The following SPMIP4 variants were observed in gnomAD, a reference collection of about 807,000 sequenced individuals.
The protein encoded by SPMIP4 is sperm-associated microtubule inner protein 4.
the SPMIP4 span, among the ~76,000 whole-genome samples, chr7:25,160,970 T>C: frequency 6.6e-6 from 1 of 151,152 alleles, no homozygotes; most frequent in African/African-American, 2.4e-5. Context: ...TCAGCTCCTG[T>C]TTTTTTTTCT....
chr7:25,146,040 G>C, the SPMIP4 span, among the ~76,000 whole-genome samples: 4 of 152,064 alleles, frequency 2.6e-5, no homozygotes, highest in African/African-American at 9.7e-5. Flanking sequence ...TTTAGCATTT[G>C]GGAATACTGG....
At chr7:25,153,055 G>C in the SPMIP4 span, among the ~76,000 whole-genome samples, 1 of 151,968 alleles carries the variant, frequency 6.6e-6, no homozygotes, top group Non-Finnish European at 1.5e-5. Context: ...ATGCTTCTTA[G>C]TTCTAATAAA....
chr7:25,165,686 C>T, the SPMIP4 span, among the ~76,000 whole-genome samples: 1 of 152,228 alleles, frequency 6.6e-6, no homozygotes, highest in African/African-American at 2.4e-5. Context: ...TCCAACTTTG[C>T]TGCACGTTGG....
chr7:25,128,263 C>T, the SPMIP4 span, among the ~76,000 whole-genome samples: 1 of 152,214 alleles, frequency 6.6e-6, no homozygotes, highest in Non-Finnish European at 1.5e-5. This position sits in a 1 kb window ranked among gnomAD's most constrained non-coding sequence, Gnocchi z 4.5. Flanking sequence ...ATTCAGCCAG[C>T]CTTGTGTCCT....
chr7:25,175,053 G>A, the SPMIP4 span, among the ~76,000 whole-genome samples: 1 of 152,146 alleles, frequency 6.6e-6, no homozygotes, highest in East Asian at 1.9e-4. Context: ...TGCTAGCCCA[G>A]TAGTTCTCAA....
chr7:25,133,372 C>G, the SPMIP4 span, among the ~76,000 whole-genome samples: 1 of 152,120 alleles, frequency 6.6e-6, no homozygotes, highest in African/African-American at 2.4e-5. Context: ...GTTGAAATAG[C>G]AAGTTGTCTT....
the SPMIP4 span, among the ~76,000 whole-genome samples, chr7:25,170,803 A>G: frequency 2.6e-5 from 4 of 152,306 alleles, no homozygotes; most frequent in East Asian, 7.7e-4. Flanking sequence ...TCCTCATTAA[A>G]TGGTCTTGGC....
chr7:25,158,416 G>T, the SPMIP4 span: 30 of 742,030 alleles, frequency 4.0e-5, no homozygotes, highest in Non-Finnish European at 5.2e-5. Context: ...AGTCTCACTT[G>T]TTTTCACACT....
At chr7:25,145,639 T>C in the SPMIP4 span, among the ~76,000 whole-genome samples, 1 of 152,204 alleles carries the variant, frequency 6.6e-6, no homozygotes, top group Non-Finnish European at 1.5e-5. Flanking sequence ...GAGATGTTAG[T>C]TTCTAGACAG....
chr7:25,133,333 T>TA, the SPMIP4 span, among the ~76,000 whole-genome samples: 1 of 152,212 alleles, frequency 6.6e-6, no homozygotes, highest in Admixed American at 6.5e-5. Flanking sequence ...TGAAAGCACT[T>TA]AGAATTAGCA....
the SPMIP4 span, among the ~76,000 whole-genome samples, chr7:25,173,003 A>G: frequency 9.9e-6 from 1 of 101,182 alleles, no homozygotes; most frequent in African/African-American, 3.9e-5. The surrounding 1 kb of genome is among the most constrained non-coding windows in gnomAD (Gnocchi z 4.4). Context: ...GGGTTGGGGG[A>G]GGAGGGCGAG....
At chr7:25,132,031 T>C in the SPMIP4 span, among the ~76,000 whole-genome samples, 12 of 152,058 alleles carry the variant, frequency 7.9e-5, no homozygotes, top group Non-Finnish European at 1.3e-4. This position sits in a 1 kb window ranked among gnomAD's most constrained non-coding sequence, Gnocchi z 5.0. Context: ...AAGAGTGCAG[T>C]TGCAAGATTT....
chr7:25,129,082 A>G, the SPMIP4 span, among the ~76,000 whole-genome samples: 2 of 152,168 alleles, frequency 1.3e-5, no homozygotes, highest in South Asian at 4.1e-4. Flanking sequence ...CAGTACTGTC[A>G]GCAGCAGTGC....
At chr7:25,141,159 C>T in the SPMIP4 span, among the ~76,000 whole-genome samples, 2 of 152,182 alleles carry the variant, frequency 1.3e-5, no homozygotes, top group Non-Finnish European at 2.9e-5. Flanking sequence ...TTAAAAGTCT[C>T]TACTGATATC....
the SPMIP4 span, among the ~76,000 whole-genome samples, chr7:25,172,324 GAGTA>G: frequency 1.3e-5 from 2 of 152,170 alleles, no homozygotes; most frequent in Admixed American, 1.3e-4. The surrounding 1 kb of genome is among the most constrained non-coding windows in gnomAD (Gnocchi z 4.2). Context: ...GAGGAAAGGG[GAGTA>G]AGGGAAGAGG....
At chr7:25,151,423 A>G in the SPMIP4 span, among the ~76,000 whole-genome samples, 2 of 152,122 alleles carry the variant, frequency 1.3e-5, no homozygotes, top group South Asian at 2.1e-4. Context: ...GGGTTTCACC[A>G]TGTTGGTCAG....
At chr7:25,128,251 G>A in the SPMIP4 span, among the ~76,000 whole-genome samples, 3 of 152,318 alleles carry the variant, frequency 2.0e-5, no homozygotes, top group East Asian at 5.8e-4. This position sits in a 1 kb window ranked among gnomAD's most constrained non-coding sequence, Gnocchi z 4.5. Flanking sequence ...AGAAGCTGGT[G>A]AATTCAGCCA....
the SPMIP4 span, among the ~76,000 whole-genome samples, chr7:25,148,382 G>A: frequency 6.6e-6 from 1 of 152,072 alleles, no homozygotes; most frequent in African/African-American, 2.4e-5. Context: ...AGGATATGGT[G>A]TGCCATGATT....
the SPMIP4 span, among the ~76,000 whole-genome samples, chr7:25,175,682 A>G: frequency 1.3e-5 from 2 of 152,146 alleles, no homozygotes; most frequent in African/African-American, 4.8e-5. Flanking sequence ...CACCCTTACC[A>G]TTATGAAGGT....
Sources: gnomAD v4.1 joint callset for allele counts (sites outside exome capture counted in the v4.1 genomes callset) on GRCh38, gnomAD v4.1.1 for gene constraint, Gnocchi (gnomAD v3.1) non-coding constraint, MANE v1.5 for transcripts, NCBI Gene and HGNC (gene_info 2026-07-23, HGNC 2026-07-21) for gene names.